SHANK2: variants seen among roughly 807,000 people sequenced by gnomAD.
The protein encoded by SHANK2 is SH3 and multiple ankyrin repeat domains 2, also known as SH3 and multiple ankyrin repeat domains protein 2.
A neutral mutation model predicts 133.7 loss-of-function variants in SHANK2; 43 were observed. The ratio of observed to expected loss-of-function variants is 0.32; its 90% confidence interval spans 0.25 to 0.41. The LOEUF is 0.41. Among genes scored for constraint, SHANK2 ranks in the 10% least tolerant of loss-of-function variants. The probability of loss-of-function intolerance (pLI) is 1.00; values close to 1 mark genes in which losing one functional copy is unlikely to be tolerated. For synonymous variants in SHANK2, 1,017 were observed against 952.8 expected (o/e 1.07, Z -1.24); for missense variants, 1,994 against 2,235.8 (o/e 0.89, Z 2.18).
At chr11:70,534,095 C>T (rs931299724) in intron 17 of SHANK2, among the ~76,000 whole-genome samples, 1 of 152,168 alleles carries the variant, frequency 6.6e-6, no homozygotes, top group Admixed American at 6.5e-5. Flanking sequence ...CCTAGAGGGG[C>T]AGTGTATTAG....
At chr11:70,642,779 G>A (rs1449974252) in intron 17 of SHANK2, among the ~76,000 whole-genome samples, 3 of 152,172 alleles carry the variant, frequency 2.0e-5, no homozygotes, top group East Asian at 1.9e-4. Context: ...TGAGAATAAC[G>A]CAGAGATGGT....
chr11:70,745,669 C>G (rs1163586228), intron 14 of SHANK2, among the ~76,000 whole-genome samples: 3 of 152,186 alleles, frequency 2.0e-5, no homozygotes, highest in African/African-American at 7.2e-5. Context: ...ATGGGTAGAG[C>G]TGCTTGGAGC....
chr11:70,894,923 A>G (rs1003726402), intron 11 of SHANK2, among the ~76,000 whole-genome samples: 1 of 152,324 alleles, frequency 6.6e-6, no homozygotes, highest in South Asian at 2.1e-4. Context: ...CTGCTCTTTC[A>G]TATTAGGGAG....
chr11:70,618,156 C>T lies in SHANK2; in HGVS notation c.2061+41672G>A, dbSNP rs149519600. Among the ~76,000 whole-genome samples the T allele has an allele frequency of 9.3e-4, 142 of 151,904 alleles. 1 individual carries two copies. Among genetic ancestry groups the T allele is most frequent in the Middle Eastern group, 6.8e-3 (2 of 292 alleles). On this transcript the variant is annotated intron_variant, in intron 17 of 25. Coordinates refer to ENST00000601538, the MANE Select transcript of SHANK2 (RefSeq NM_012309.5). ...ACTAAAAATACAAAAATTAGCCAGA[C>T]GTGGTGGCACGCCTGTAATCCCAGC...
intron 14 of SHANK2, among the ~76,000 whole-genome samples, chr11:70,787,147 C>A (rs1333708619): frequency 6.6e-6 from 1 of 150,618 alleles, no homozygotes; most frequent in East Asian, 1.9e-4. Flanking sequence ...CCAAGATCAC[C>A]ACCACCAGCA....
chr11:70,906,943 C>A (rs1555078076), intron 10 of SHANK2, among the ~76,000 whole-genome samples: 1 of 152,176 alleles, frequency 6.6e-6, no homozygotes, highest in Non-Finnish European at 1.5e-5. Context: ...TTTGCGAAAA[C>A]CCCATGCAGG....
Position 70,485,850 on chromosome 11 carries a change from T to C in SHANK2, c.4443A>G (p.Glu1481=), listed in dbSNP as rs2135727512. The change falls in exon 25 of 26, where the codon GAA becomes GAG. Residue 1481 remains glutamate, a synonymous_variant. Coordinates refer to ENST00000601538, the MANE Select transcript of SHANK2 (RefSeq NM_012309.5). This position sits in a 1 kb window ranked among gnomAD's most constrained non-coding sequence, Gnocchi z 5.8. The stretch of plus-strand genomic sequence containing the variant: ...CAGAGTCGGCGACGGCGTCAAAGCT[T>C]TCAGGGGGTGGCAGGAATGAGGCAG... ...CLPASFLPPP[E]SFDAVADSGI... 1 of 1,613,872 alleles carries C rather than the reference T, an allele frequency of 6.2e-7. No homozygotes were observed. Among genetic ancestry groups the C allele is most frequent in the East Asian group, 2.2e-5 (1 of 44,864 alleles).
intron 17 of SHANK2, among the ~76,000 whole-genome samples, chr11:70,510,590 C>T (rs2059191830): frequency 6.6e-6 from 1 of 152,206 alleles, no homozygotes. Flanking sequence ...CCTCTGGATA[C>T]AGATCCTGTC....
intron 14 of SHANK2, among the ~76,000 whole-genome samples, chr11:70,790,750 G>C (rs1291463333): frequency 1.3e-5 from 2 of 152,252 alleles, no homozygotes; most frequent in Admixed American, 1.3e-4. Flanking sequence ...GGAGAATCTT[G>C]ACTCAAACAG....
At chr11:70,801,333 G>A (rs1948040974) in intron 13 of SHANK2, among the ~76,000 whole-genome samples, 1 of 152,240 alleles carries the variant, frequency 6.6e-6, no homozygotes, top group African/African-American at 2.4e-5. Flanking sequence ...AACACGGGGA[G>A]CCTTCATGTC....
intron 10 of SHANK2, among the ~76,000 whole-genome samples, chr11:70,942,154 T>C (rs1179203447): frequency 1.3e-5 from 2 of 152,036 alleles, no homozygotes; most frequent in Non-Finnish European, 2.9e-5. Context: ...ACCACTGCAC[T>C]TCAGCCTGGG....
chr11:70,718,698 C>CTTTTT (rs1348392187), intron 14 of SHANK2, among the ~76,000 whole-genome samples: 3 of 80,930 alleles, frequency 3.7e-5, no homozygotes, highest in Non-Finnish European at 6.6e-5. Context: ...AGAGCTCATT[C>CTTTTT]TCTTTTTTTT....
At chr11:70,871,552 C>T (rs931068488) in intron 11 of SHANK2, among the ~76,000 whole-genome samples, 14 of 152,162 alleles carry the variant, frequency 9.2e-5, no homozygotes, top group Non-Finnish European at 1.5e-4. Context: ...GTGCCTGGGA[C>T]CCTGCGGATT....
intron 14 of SHANK2, among the ~76,000 whole-genome samples, chr11:70,790,839 G>A (rs1393871762): frequency 7.2e-5 from 11 of 152,272 alleles, no homozygotes; most frequent in Admixed American, 2.0e-4. Flanking sequence ...AGGGTGTCAC[G>A]GGCGATGATG....
chr11:70,662,008 C>A, intron 15 of SHANK2: 1 of 574,144 alleles, frequency 1.7e-6, no homozygotes, highest in Non-Finnish European at 3.1e-6. Context: ...GCCAGGACGC[C>A]GCCCAGGGCA....
chr11:70,914,983 A>AG (rs1393594339), intron 10 of SHANK2, among the ~76,000 whole-genome samples: 29 of 152,126 alleles, frequency 1.9e-4, no homozygotes, highest in Admixed American at 8.5e-4. Flanking sequence ...GGAATCTTGT[A>AG]GGCTACAACA....
intron 10 of SHANK2, among the ~76,000 whole-genome samples, chr11:70,912,079 C>CAAAAAAAAAAAAAAAAAAAAA (rs536602235): frequency 1.2e-5 from 1 of 81,228 alleles, no homozygotes; most frequent in African/African-American, 4.6e-5. Flanking sequence ...GAGACTCTGT[C>CAAAAAAAAAAAAAAAAAAAAA]AAAAAAAAAA....
chr11:71,190,899 T>C (rs1169233142), intron 2 of SHANK2, among the ~76,000 whole-genome samples: 1 of 152,012 alleles, frequency 6.6e-6, no homozygotes, highest in Non-Finnish European at 1.5e-5. Context: ...ATGTGAGGTA[T>C]CTCTGGTGTG....
intron 2 of SHANK2, among the ~76,000 whole-genome samples, chr11:71,201,276 G>T (rs1203472332): frequency 6.6e-6 from 1 of 152,192 alleles, no homozygotes; most frequent in Non-Finnish European, 1.5e-5. Context: ...AAAGAGAGAG[G>T]TCTCGGCCAC....
Sources: allele counts gnomAD v4.1 joint callset (sites outside exome capture counted in the v4.1 genomes callset), GRCh38; gene constraint gnomAD v4.1.1; non-coding constraint Gnocchi (gnomAD v3.1); transcripts MANE v1.5; gene names NCBI Gene and HGNC (gene_info 2026-07-23, HGNC 2026-07-21).